The following LMO1 variants were observed in gnomAD, a reference collection of about 807,000 sequenced individuals.
LMO1 encodes the protein rhombotin-1.
LMO1 carries 10 observed loss-of-function variants against 18.0 expected under a neutral mutation model. The observed-to-expected ratio is 0.55, with a 90% confidence interval of 0.34 to 0.94. The LOEUF is 0.94. Ranked by LOEUF, LMO1 falls within the 40% of genes least tolerant of loss-of-function variation. The probability of loss-of-function intolerance (pLI) is 0.02; values close to 1 mark genes in which losing one functional copy is unlikely to be tolerated. For missense variants in LMO1, 183 were observed against 205.7 expected (o/e 0.89, Z 0.68); for synonymous variants, 77 against 77.9 (o/e 0.99, Z 0.06).
At chr11:8,262,227 C>T (rs949801712) in intron 1 of LMO1, among the ~76,000 whole-genome samples, 1 of 152,256 alleles carries the variant, frequency 6.6e-6, no homozygotes, top group Non-Finnish European at 1.5e-5. Context: ...AGGATTCCCG[C>T]TGACTCAAAG....
chr11:8,235,018 G>C (rs1172023825), intron 1 of LMO1, among the ~76,000 whole-genome samples: 3 of 152,176 alleles, frequency 2.0e-5, no homozygotes, highest in African/African-American at 7.2e-5. Context: ...TGTGTACTGG[G>C]AGCCACAGTG....
intron 1 of LMO1, among the ~76,000 whole-genome samples, chr11:8,247,363 G>A (rs1312342271): frequency 3.9e-5 from 6 of 152,208 alleles, no homozygotes; most frequent in East Asian, 1.9e-4. Context: ...TCCAGTCCAC[G>A]AGGGTAGGAA....
intron 1 of LMO1, among the ~76,000 whole-genome samples, chr11:8,246,875 G>A (rs541957025): frequency 6.6e-6 from 1 of 152,272 alleles, no homozygotes; most frequent in East Asian, 1.9e-4. Context: ...CTCACAGGGG[G>A]CAGGCCCTGG....
intron 1 of LMO1, among the ~76,000 whole-genome samples, chr11:8,233,443 C>T (rs1952705797): frequency 6.6e-6 from 1 of 152,200 alleles, no homozygotes; most frequent in African/African-American, 2.4e-5. Context: ...AAAACGGAAG[C>T]AATCCCTTGC....
At chr11:8,257,546 C>T (rs866360401) in intron 1 of LMO1, among the ~76,000 whole-genome samples, 2 of 152,262 alleles carry the variant, frequency 1.3e-5, no homozygotes, top group African/African-American at 4.8e-5. Context: ...TTTTCTACCA[C>T]CTAGCCTCAT....
At chr11:8,251,967 TG>T (rs1565185792) in intron 1 of LMO1, among the ~76,000 whole-genome samples, 2 of 115,188 alleles carry the variant, frequency 1.7e-5, no homozygotes, top group Admixed American at 8.1e-5. Context: ...TGTTTGTGTG[TG>T]GGGGTGTGCG....
At chr11:8,265,240 A>G (rs150476734), upstream of LMO1, among the ~76,000 whole-genome samples, 5 of 152,220 alleles carry the variant, frequency 3.3e-5, no homozygotes, top group East Asian at 5.8e-4. Flanking sequence ...TCCTGTATCT[A>G]TGGTTGCTGT....
At chr11:8,239,142 C>T (rs1448244393) in intron 1 of LMO1, among the ~76,000 whole-genome samples, 1 of 152,222 alleles carries the variant, frequency 6.6e-6, no homozygotes, top group Admixed American at 6.5e-5. Flanking sequence ...CCTGGCCTGT[C>T]AGAATCCAGA....
chr11:8,263,513 G>A lies in LMO1; in HGVS notation c.-151C>T. Reference sequence around the variant, plus strand: ...TCTTAACCTAGATTGCACTCAGCTAGAATTACATTCAGGAGTGAAGCACTT... The same window carrying A: ...TCTTAACCTAGATTGCACTCAGCTAAAATTACATTCAGGAGTGAAGCACTT... On this transcript the variant is annotated 5_prime_UTR_variant, in exon 1 of 4. Coordinates refer to ENST00000335790, the MANE Select transcript of LMO1 (RefSeq NM_002315.3). The A allele has an allele frequency of 1.4e-6, 2 of 1,424,372 alleles. No individual in the cohort carries two copies. Among genetic ancestry groups the A allele is most frequent in the Non-Finnish European group, 9.2e-7 (1 of 1,092,810 alleles). 88.2% of individuals were successfully genotyped at this position (1,424,372 alleles called of 1,614,324 possible).
intron 1 of LMO1, among the ~76,000 whole-genome samples, chr11:8,254,673 C>G (rs1188831692): frequency 6.6e-6 from 1 of 151,444 alleles, no homozygotes; most frequent in Non-Finnish European, 1.5e-5. Context: ...GGCAGCCCCA[C>G]TCAAACTGCC....
In LMO1 at chr11:8,263,486, G is replaced by T; in HGVS notation, c.-124C>A. On this transcript the variant is annotated 5_prime_UTR_variant, in exon 1 of 4. Transcript: ENST00000335790. ...CGGGCTCTAATTACCCGCTTGTCCG[G>T]CTCTTAACCTAGATTGCACTCAGCT... 6.6e-7 allele frequency: 1 copy of T among 1,506,990 alleles called. No individual in the cohort carries two copies. 93.4% of individuals were successfully genotyped at this position (1,506,990 alleles called of 1,614,324 possible). A position where few individuals can be genotyped will look rare whatever the true frequency, so the allele number is the denominator to read the frequency against.
At chr11:8,255,818 C>CATTTTTT (rs1847085360) in intron 1 of LMO1, among the ~76,000 whole-genome samples, 1 of 86,344 alleles carries the variant, frequency 1.2e-5, no homozygotes, top group Non-Finnish European at 2.0e-5. Context: ...CAATGCCGCA[C>CATTTTTT]TTTTTTTTTT....
intron 1 of LMO1, among the ~76,000 whole-genome samples, chr11:8,252,633 G>A (rs893680343): frequency 2.6e-5 from 4 of 152,264 alleles, no homozygotes; most frequent in African/African-American, 7.2e-5. Flanking sequence ...AGGCAGCCAC[G>A]TTGGAGAGGC....
intron 1 of LMO1, among the ~76,000 whole-genome samples, chr11:8,255,282 G>A (rs1299186843): frequency 6.6e-6 from 1 of 152,180 alleles, no homozygotes; most frequent in East Asian, 1.9e-4. Context: ...TGAGGCAGGT[G>A]GATCGCTTGA....
At chr11:8,234,027 C>G (rs1343530904) in intron 1 of LMO1, among the ~76,000 whole-genome samples, 1 of 152,180 alleles carries the variant, frequency 6.6e-6, no homozygotes, top group East Asian at 1.9e-4. Context: ...GACACGCACG[C>G]CTGGGCACAC....
intron 1 of LMO1, among the ~76,000 whole-genome samples, chr11:8,238,053 T>C (rs1952792532): frequency 6.6e-6 from 1 of 152,214 alleles, no homozygotes; most frequent in African/African-American, 2.4e-5. Flanking sequence ...ACAATTATAT[T>C]CCTAGGTATA....
chr11:8,243,387 C>T (rs1203517353), intron 1 of LMO1, among the ~76,000 whole-genome samples: 1 of 152,216 alleles, frequency 6.6e-6, no homozygotes, highest in East Asian at 1.9e-4. Flanking sequence ...CTAAACCAGC[C>T]ATGGGCTCCC....
intron 1 of LMO1, among the ~76,000 whole-genome samples, chr11:8,260,993 C>T (rs1847177381): frequency 6.6e-6 from 1 of 152,158 alleles, no homozygotes; most frequent in Non-Finnish European, 1.5e-5. Context: ...TGAGTGCATC[C>T]AGAACCTTTC....
chr11:8,237,335 T>C (rs1952777628), intron 1 of LMO1, among the ~76,000 whole-genome samples: 1 of 152,144 alleles, frequency 6.6e-6, no homozygotes, highest in South Asian at 2.1e-4. Context: ...AAGTGTAATC[T>C]AACTCTGCAG....
Sources: allele counts gnomAD v4.1 joint callset (sites outside exome capture counted in the v4.1 genomes callset), GRCh38; gene constraint gnomAD v4.1.1; transcripts MANE v1.5; gene names NCBI Gene and HGNC (gene_info 2026-07-23, HGNC 2026-07-21).